GALNT18: variants seen among roughly 807,000 people sequenced by gnomAD.
The protein encoded by GALNT18 is GalNAc-transferase 18.
In GALNT18, 44 loss-of-function variants were observed where a neutral mutation model predicts 69.5. The observed-to-expected ratio is 0.63, with a 90% CI of 0.50 to 0.81. The LOEUF is 0.81. Among genes scored for constraint, GALNT18 ranks in the 40% least tolerant of loss-of-function variants. The probability of loss-of-function intolerance (pLI) is 0.00; values close to 1 mark genes in which losing one functional copy is unlikely to be tolerated. For missense variants in GALNT18, 715 were observed against 810.0 expected, an observed-to-expected ratio of 0.88 and a Z score of 1.42; for synonymous variants, 364 against 318.2, an observed-to-expected ratio of 1.14 and a Z score of -1.53.
Position 11,555,180 on chromosome 11 carries a change from T to C in GALNT18, c.235+66179A>G, listed in dbSNP as rs10741554. On this transcript the variant is annotated intron_variant, in intron 1 of 10. Coordinates refer to ENST00000227756, the MANE Select transcript of GALNT18 (RefSeq NM_198516.3). The surrounding 1 kb of genome is among the most constrained non-coding windows in gnomAD (Gnocchi z 4.7). ...GATGAGTCCTGCTCAGGATCCCTGA[T>C]GGGCTGCTCAGGGCGGGGGTGCCTA... 6.6e-6 allele frequency among the ~76,000 whole-genome samples: 1 copy of C among 152,062 alleles called. No homozygotes were observed. Among genetic ancestry groups the C allele is most frequent in the African/African-American group, 2.4e-5 (1 of 41,390 alleles).
Position 11,511,022 on chromosome 11 carries a change from G to GT in GALNT18, c.236-62087dup, listed in dbSNP as rs1345129389. Among the ~76,000 whole-genome samples the GT allele has an allele frequency of 6.6e-6, 1 of 152,142 alleles. No homozygotes were observed. Among genetic ancestry groups the GT allele is most frequent in the East Asian group, 1.9e-4 (1 of 5,150 alleles). On this transcript the variant is annotated intron_variant, in intron 1 of 10. Transcript: ENST00000227756. This position sits in a 1 kb window ranked among gnomAD's most constrained non-coding sequence, Gnocchi z 4.9. ...CGGCACTCTTTCCTCTCGGCGGGGC[G>GT]TGCAGCTGGTACCGCCTTCCACTTG...
intron 1 of GALNT18, among the ~76,000 whole-genome samples, chr11:11,525,981 C>T (rs1329233517): frequency 1.3e-5 from 2 of 151,948 alleles, no homozygotes; most frequent in Non-Finnish European, 2.9e-5. Flanking sequence ...ATGGGGGTGA[C>T]CAGTTGGCAA....
At chr11:11,328,295 G>A (rs1433566850) in intron 8 of GALNT18, among the ~76,000 whole-genome samples, 1 of 152,082 alleles carries the variant, frequency 6.6e-6, no homozygotes. Context: ...ACCTTAACTT[G>A]AGCTGGCTTG....
At chr11:11,474,793 G>A (rs187809876) in intron 1 of GALNT18, among the ~76,000 whole-genome samples, 197 of 152,342 alleles carry the variant, frequency 1.3e-3, no homozygotes, top group Non-Finnish European at 2.3e-3. Flanking sequence ...TTGCTGCAGT[G>A]CAAACAGGGA....
intron 3 of GALNT18, among the ~76,000 whole-genome samples, chr11:11,410,399 G>T (rs1343406357): frequency 6.6e-6 from 1 of 152,122 alleles, no homozygotes; most frequent in Non-Finnish European, 1.5e-5. Context: ...ATTGAAGATT[G>T]TGTGGAATAT....
rs1364896694 is a variant in GALNT18, at chr11:11,538,451, C to T, written c.235+82908G>A. ...ACCAGCCAACATGCTGGGCTGACTC[C>T]AGCTCCCAGAGGCCTGGGCCTGCAG... On this transcript the variant is annotated intron_variant, in intron 1 of 10. Transcript: ENST00000227756. This position sits in a 1 kb window ranked among gnomAD's most constrained non-coding sequence, Gnocchi z 5.2. Among the ~76,000 whole-genome samples the T allele has an allele frequency of 1.3e-5, 2 of 152,230 alleles. No homozygotes were observed. Among genetic ancestry groups the T allele is most frequent in the Non-Finnish European group, 1.5e-5 (1 of 68,028 alleles).
At chr11:11,448,119 T>C (rs544597747) in intron 2 of GALNT18, among the ~76,000 whole-genome samples, 3 of 152,006 alleles carry the variant, frequency 2.0e-5, no homozygotes, top group Non-Finnish European at 4.4e-5. Context: ...GCAAGATCTT[T>C]CTCAAAGACT....
At chr11:11,507,146 T>A (rs1857083110) in intron 1 of GALNT18, among the ~76,000 whole-genome samples, 1 of 152,236 alleles carries the variant, frequency 6.6e-6, no homozygotes, top group Admixed American at 6.5e-5. Context: ...ACACTACTGT[T>A]AAGTGAATAA....
chr11:11,326,522 A>G (rs896920849), intron 9 of GALNT18, among the ~76,000 whole-genome samples: 1 of 152,172 alleles, frequency 6.6e-6, no homozygotes, highest in East Asian at 1.9e-4. Flanking sequence ...TGAAGCTTAG[A>G]CTATGAATGG....
At position 11,621,620 on chromosome 11, in the gene GALNT18, T is replaced by C; in HGVS notation, c.-27A>G. 6.6e-7 allele frequency: 1 copy of C among 1,518,548 alleles called. No individual in the cohort carries two copies. The highest frequency in any genetic ancestry group is 1.2e-5 in the South Asian group (1 of 84,200). 94.1% of individuals were successfully genotyped at this position (1,518,548 alleles called of 1,614,324 possible). A position where few individuals can be genotyped will look rare whatever the true frequency, so the allele number is the denominator to read the frequency against. Reference sequence around the variant, plus strand: ...CTGGGCTCCTTCCTCCATATAGAGCTCCCGGGGGCCCTTCCTTGTCGTGCG... The same window carrying C: ...CTGGGCTCCTTCCTCCATATAGAGCCCCCGGGGGCCCTTCCTTGTCGTGCG... On this transcript the variant is annotated 5_prime_UTR_variant, in exon 1 of 11. Transcript: ENST00000227756. This position sits in a 1 kb window ranked among gnomAD's most constrained non-coding sequence, Gnocchi z 9.3.
chr11:11,306,017 A>G (rs989041305), intron 9 of GALNT18, among the ~76,000 whole-genome samples: 1 of 152,200 alleles, frequency 6.6e-6, no homozygotes, highest in South Asian at 2.1e-4. Context: ...ATCACTCTCC[A>G]TATAGCCCAG....
intron 1 of GALNT18, among the ~76,000 whole-genome samples, chr11:11,486,793 G>A (rs1856655018): frequency 6.6e-6 from 1 of 152,202 alleles, no homozygotes; most frequent in Non-Finnish European, 1.5e-5. Context: ...GGATGGCTTT[G>A]TCCAAGCTGA....
intron 3 of GALNT18, among the ~76,000 whole-genome samples, chr11:11,390,331 T>C (rs1854157293): frequency 6.6e-6 from 1 of 152,208 alleles, no homozygotes; most frequent in Admixed American, 6.5e-5. Flanking sequence ...CTGTCCCAGC[T>C]CAGCTTCTGT....
rs1423847157 is a variant in GALNT18, at chr11:11,592,907, A to G, written c.235+28452T>C. ...GGTCAGACCAGAACAGAGGACGCCC[A>G]TGCTTCGCGTTGTTTTTTTCTGTTT... is the stretch of plus-strand genomic sequence containing the variant. On this transcript the variant is annotated intron_variant, in intron 1 of 10. Transcript: ENST00000227756. This position sits in a 1 kb window ranked among gnomAD's most constrained non-coding sequence, Gnocchi z 5.9. Among the ~76,000 whole-genome samples the G allele has an allele frequency of 6.6e-6, 1 of 152,050 alleles. No homozygotes were observed. The highest frequency in any genetic ancestry group is 2.4e-5 in the African/African-American group (1 of 41,360).
intron 3 of GALNT18, among the ~76,000 whole-genome samples, chr11:11,388,136 A>T (rs555852512): frequency 2.3e-4 from 35 of 152,294 alleles, no homozygotes; most frequent in African/African-American, 7.5e-4. Flanking sequence ...ATTCAGCCTT[A>T]TCAAGTTACA....
rs777533556 is a variant in GALNT18, at chr11:11,596,255, C to G, written c.235+25104G>C. On this transcript the variant is annotated intron_variant, in intron 1 of 10. Transcript: ENST00000227756. The surrounding 1 kb of genome is among the most constrained non-coding windows in gnomAD (Gnocchi z 4.2). ...TTCTGTTGATCAGTGTGTCTGTCCT[C>G]ATGCCTGTATCACACTGCCTTAATT... is the stretch of plus-strand genomic sequence containing the variant. Among the ~76,000 whole-genome samples the G allele has an allele frequency of 3.9e-5, 6 of 152,184 alleles. No homozygotes were observed. Among genetic ancestry groups the G allele is most frequent in the Non-Finnish European group, 8.8e-5 (6 of 68,024 alleles).
chr11:11,462,932 C>T (rs1295013497), intron 1 of GALNT18, among the ~76,000 whole-genome samples: 1 of 152,136 alleles, frequency 6.6e-6, no homozygotes, highest in Non-Finnish European at 1.5e-5. Flanking sequence ...CAGCCAAACC[C>T]CAGAGCCTGA....
In GALNT18 at chr11:11,341,083, A is replaced by C. The variant is rs1387267678; in HGVS notation, c.1093-79T>G. On this transcript the variant is annotated intron_variant, in intron 6 of 10. Transcript: ENST00000227756. The surrounding 1 kb of genome is among the most constrained non-coding windows in gnomAD (Gnocchi z 6.3). ...ACCAGGCCTCAGGCAGCCACTTGAC[A>C]TGAGCAGGAAGAAAGTCAGCCCCTT... 25 of 1,392,088 alleles carry C rather than the reference A, an allele frequency of 1.8e-5. No individual in the cohort carries two copies. Among genetic ancestry groups the C allele is most frequent in the Non-Finnish European group, 2.1e-5 (21 of 1,023,212 alleles). The allele number at this position is 1,392,088 out of a possible 1,614,324, so 86.2% of individuals were successfully genotyped here. A position where few individuals can be genotyped will look rare whatever the true frequency, so the allele number is the denominator to read the frequency against.
In GALNT18 at chr11:11,490,234, A is replaced by AACAC. The variant is rs61477736; in HGVS notation, c.236-41302_236-41299dup. 8.0e-4 allele frequency among the ~76,000 whole-genome samples: 100 copies of AACAC among 125,094 alleles called. 2 individuals are homozygous for AACAC. Among genetic ancestry groups the AACAC allele is most frequent in the African/African-American group, 1.4e-3 (47 of 32,914 alleles). 82.1% of individuals were successfully genotyped at this position (125,094 alleles called of 152,430 possible). A position where few individuals can be genotyped will look rare whatever the true frequency, so the allele number is the denominator to read the frequency against. Reference sequence around the variant, plus strand: ...TCTCTCTCTCTCTCTCTCTCTCTCTAACACACACACACACACACACACACA... The same window carrying AACAC: ...TCTCTCTCTCTCTCTCTCTCTCTCTAACACACACACACACACACACACACACACA... On this transcript the variant is annotated intron_variant, in intron 1 of 10. Transcript: ENST00000227756.
Sources: gnomAD v4.1 joint callset for allele counts (sites outside exome capture counted in the v4.1 genomes callset) on GRCh38, gnomAD v4.1.1 for gene constraint, Gnocchi (gnomAD v3.1) non-coding constraint, MANE v1.5 for transcripts, NCBI Gene and HGNC (gene_info 2026-07-23, HGNC 2026-07-21) for gene names.